FMNL2: variants seen among roughly 807,000 people sequenced by gnomAD.
The protein encoded by FMNL2 is formin like 2.
FMNL2 carries 51 observed loss-of-function variants against 130.2 expected under a neutral mutation model. That is an observed-to-expected ratio of 0.39 (90% confidence interval 0.31 to 0.49). The LOEUF (loss-of-function observed/expected upper bound fraction) is 0.49. Among genes scored for constraint, FMNL2 ranks in the 20% least tolerant of loss-of-function variants. The probability of loss-of-function intolerance (pLI) is 0.85; values close to 1 mark genes in which losing one functional copy is unlikely to be tolerated. For synonymous variants in FMNL2, 465 were observed against 467.1 expected, an observed-to-expected ratio of 1.00 and a Z score of 0.06; for missense variants, 977 against 1,316.2, an observed-to-expected ratio of 0.74 and a Z score of 3.99.
At chr2:152,365,721 C>T (rs1014630509) in intron 1 of FMNL2, among the ~76,000 whole-genome samples, 1 of 151,884 alleles carries the variant, frequency 6.6e-6, no homozygotes, top group Non-Finnish European at 1.5e-5. Context: ...TGCAGTGAGC[C>T]GAGATCACGC....
At chr2:152,430,452 A>G (rs1278807577) in intron 1 of FMNL2, among the ~76,000 whole-genome samples, 1 of 152,220 alleles carries the variant, frequency 6.6e-6, no homozygotes, top group Non-Finnish European at 1.5e-5. Flanking sequence ...TCATTTTCTA[A>G]TGGCCTTCTG....
At chr2:152,629,101 C>A (rs1194913843) in intron 18 of FMNL2, among the ~76,000 whole-genome samples, 1 of 151,936 alleles carries the variant, frequency 6.6e-6, no homozygotes. Context: ...AGTTCTCTCC[C>A]AATTCTGTTT....
chr2:152,438,815 A>G (rs1687910608), intron 1 of FMNL2, among the ~76,000 whole-genome samples: 1 of 152,114 alleles, frequency 6.6e-6, no homozygotes, highest in Non-Finnish European at 1.5e-5. Context: ...TCACTTGTAA[A>G]GCTCTAGGGG....
chr2:152,560,183 G>GA (rs1360817794), intron 5 of FMNL2, among the ~76,000 whole-genome samples: 2 of 148,740 alleles, frequency 1.3e-5, no homozygotes, highest in Non-Finnish European at 3.0e-5. Context: ...TTTCTTTTGA[G>GA]AAAGCACAGT....
intron 1 of FMNL2, among the ~76,000 whole-genome samples, chr2:152,471,806 GA>G (rs1282560005): frequency 6.6e-6 from 1 of 152,176 alleles, no homozygotes; most frequent in East Asian, 1.9e-4. Flanking sequence ...TTTGGAAACG[GA>G]AGTCCACCTT....
At chr2:152,485,259 A>G (rs953613350) in intron 1 of FMNL2, among the ~76,000 whole-genome samples, 3 of 152,180 alleles carry the variant, frequency 2.0e-5, no homozygotes, top group Non-Finnish European at 4.4e-5. Context: ...TTGGGAGGCC[A>G]AGGCGGGCAG....
intron 11 of FMNL2, among the ~76,000 whole-genome samples, chr2:152,613,053 G>C (rs1698768091): frequency 6.6e-6 from 1 of 152,214 alleles, no homozygotes; most frequent in Non-Finnish European, 1.5e-5. Flanking sequence ...TCCTAGACTG[G>C]CTGGGCTGCC....
At chr2:152,410,020 T>G (rs372068193) in intron 1 of FMNL2, among the ~76,000 whole-genome samples, 5 of 152,250 alleles carry the variant, frequency 3.3e-5, no homozygotes, top group African/African-American at 1.2e-4. Context: ...GTGACAGTTT[T>G]GGAAAAGAAG....
intron 1 of FMNL2, among the ~76,000 whole-genome samples, chr2:152,372,287 G>A (rs192971032): frequency 2.0e-5 from 3 of 152,316 alleles, no homozygotes; most frequent in Non-Finnish European, 4.4e-5. Context: ...CATCTAAGGA[G>A]AGTCTAATTT....
intron 9 of FMNL2, among the ~76,000 whole-genome samples, chr2:152,587,455 C>G (rs1466918910): frequency 6.6e-6 from 1 of 152,332 alleles, no homozygotes; most frequent in East Asian, 1.9e-4. Flanking sequence ...TGTTATTCGT[C>G]TTTCATTTTC....
At chr2:152,538,637 G>C (rs543701894) in intron 2 of FMNL2, among the ~76,000 whole-genome samples, 113 of 152,274 alleles carry the variant, frequency 7.4e-4, no homozygotes, top group African/African-American at 2.5e-3. Flanking sequence ...AACCATGAAA[G>C]AAGGAGAGAG....
intron 2 of FMNL2, among the ~76,000 whole-genome samples, chr2:152,526,065 T>A (rs1186814112): frequency 6.6e-6 from 1 of 152,112 alleles, no homozygotes; most frequent in Non-Finnish European, 1.5e-5. Context: ...AGCAAATATA[T>A]CTCCATGGTT....
At chr2:152,433,841 G>A (rs1390674315) in intron 1 of FMNL2, among the ~76,000 whole-genome samples, 1 of 152,176 alleles carries the variant, frequency 6.6e-6, no homozygotes, top group Admixed American at 6.5e-5. Flanking sequence ...CTAAAGAAAA[G>A]GCTCTGCAGA....
chr2:152,376,255 A>G (rs1015408352), intron 1 of FMNL2, among the ~76,000 whole-genome samples: 2 of 152,282 alleles, frequency 1.3e-5, no homozygotes, highest in African/African-American at 4.8e-5. Flanking sequence ...TCGATTCATC[A>G]GTTGGTGGAC....
chr2:152,574,203 C>T (rs578178065), intron 6 of FMNL2, among the ~76,000 whole-genome samples: 27 of 152,086 alleles, frequency 1.8e-4, no homozygotes, highest in East Asian at 3.9e-4. Context: ...TTCGGGAGGC[C>T]GAGGTAGGTG....
intron 4 of FMNL2, among the ~76,000 whole-genome samples, chr2:152,555,253 T>A (rs919470064): frequency 1.3e-5 from 2 of 152,236 alleles, no homozygotes; most frequent in Non-Finnish European, 2.9e-5. Context: ...ATATGGGCTA[T>A]ACTTTGAGAA....
At chr2:152,406,136 T>C (rs1685967222) in intron 1 of FMNL2, among the ~76,000 whole-genome samples, 1 of 131,038 alleles carries the variant, frequency 7.6e-6, no homozygotes, top group Non-Finnish European at 1.6e-5. Context: ...TGTCTATAAG[T>C]GTATGCTGCA....
At chr2:152,375,873 C>CTATATA (rs1235599536) in intron 1 of FMNL2, among the ~76,000 whole-genome samples, 62 of 113,824 alleles carry the variant, frequency 5.4e-4, no homozygotes, top group East Asian at 2.8e-3. Context: ...CTCTCTCTCT[C>CTATATA]TCTCTATATA....
intron 1 of FMNL2, among the ~76,000 whole-genome samples, chr2:152,402,064 A>G (rs1460673327): frequency 1.3e-5 from 2 of 151,662 alleles, no homozygotes; most frequent in African/African-American, 4.8e-5. Context: ...CATGCCACCC[A>G]GCTAATTTTT....
Sources: gnomAD v4.1 joint callset for allele counts (sites outside exome capture counted in the v4.1 genomes callset) on GRCh38, gnomAD v4.1.1 for gene constraint, MANE v1.5 for transcripts, NCBI Gene and HGNC (gene_info 2026-07-23, HGNC 2026-07-21) for gene names.